The following GYS2 variants were observed in gnomAD, a reference collection of about 807,000 sequenced individuals.
The protein encoded by GYS2 is glycogen [starch] synthase, liver.
In GYS2, 80 loss-of-function variants were observed where a neutral mutation model predicts 85.6. That is an observed-to-expected ratio of 0.93 (90% confidence interval 0.78 to 1.13). The LOEUF (loss-of-function observed/expected upper bound fraction) is 1.13, where lower values mean the gene tolerates loss of function less well. Among genes scored for constraint, GYS2 ranks in the 50% most tolerant of loss-of-function variants. The probability of loss-of-function intolerance (pLI) is 0.00; values close to 1 mark genes in which losing one functional copy is unlikely to be tolerated. For synonymous variants in GYS2, 328 were observed against 300.7 expected (o/e 1.09, Z -0.94); for missense variants, 881 against 854.9 (o/e 1.03, Z -0.38).
intron 1 of GYS2, among the ~76,000 whole-genome samples, chr12:21,598,946 A>G (rs912368602): frequency 2.0e-5 from 3 of 152,080 alleles, no homozygotes; most frequent in African/African-American, 4.8e-5. Flanking sequence ...ACATATAACA[A>G]TGAGGTGGTT....
downstream of GYS2, among the ~76,000 whole-genome samples, chr12:21,535,996 T>A (rs900471580): frequency 2.9e-5 from 2 of 68,656 alleles, no homozygotes; most frequent in Non-Finnish European, 7.0e-5. Context: ...GATGTTCTAT[T>A]TTTTCTATTT....
chr12:21,592,679 C>A (rs1289254677), intron 1 of GYS2, among the ~76,000 whole-genome samples: 1 of 151,968 alleles, frequency 6.6e-6, no homozygotes, highest in Admixed American at 6.5e-5. Context: ...GAATCCAATA[C>A]AATAATAGTT....
intron 6 of GYS2, 49 bp downstream of exon 6, chr12:21,563,179 A>G: frequency 8.1e-7 from 1 of 1,227,808 alleles, no homozygotes; most frequent in Non-Finnish European, 1.2e-6. Flanking sequence ...TCTACCAAAG[A>G]TCACTCATAT....
chr12:21,536,701 C>G lies in GYS2; in HGVS notation c.*253G>C. On this transcript the variant is annotated 3_prime_UTR_variant, in exon 16 of 16. Coordinates refer to ENST00000261195, the MANE Select transcript of GYS2 (RefSeq NM_021957.4). ...AATTCACCATTTTAAAAACACTTTT[C>G]CGTCTTCTGCCTTTAATGAGTGCTC... 1 of 505,044 alleles carries G rather than the reference C, an allele frequency of 2.0e-6. No individual in the cohort carries two copies. The highest frequency in any genetic ancestry group is 3.6e-6 in the Non-Finnish European group (1 of 281,386). The allele number at this position is 505,044 out of a possible 1,614,324, so 31.3% of individuals were successfully genotyped here. A position where few individuals can be genotyped will look rare whatever the true frequency, so the allele number is the denominator to read the frequency against.
chr12:21,577,253 A>G (rs1944456943), intron 2 of GYS2, among the ~76,000 whole-genome samples: 1 of 152,200 alleles, frequency 6.6e-6, no homozygotes, highest in African/African-American at 2.4e-5. Flanking sequence ...TCATTGCTTC[A>G]TGTATTTATA....
In GYS2 at chr12:21,604,467, C is replaced by T. The variant is rs766327235; in HGVS notation, c.121+5G>A. On this transcript the variant is annotated splice_donor_5th_base_variant and intron_variant, in intron 1 of 15. Transcript: ENST00000261195. ...TACTGATCCACCTTCAGGAGCAGTA[C>T]AAACCTTTATTGGTCACTTCCCAAG... The T allele has an allele frequency of 1.3e-6, 2 of 1,587,160 alleles. No individual in the cohort carries two copies. The highest frequency in any genetic ancestry group is 2.2e-5 in the East Asian group (1 of 44,732).
At chr12:21,580,789 A>G (rs1944501233) in intron 1 of GYS2, among the ~76,000 whole-genome samples, 1 of 152,248 alleles carries the variant, frequency 6.6e-6, no homozygotes, top group South Asian at 2.1e-4. Context: ...AAAGAGGTCA[A>G]ATACCTCAAA....
intron 1 of GYS2, among the ~76,000 whole-genome samples, chr12:21,592,341 TAG>T (rs1944649531): frequency 6.6e-6 from 1 of 151,924 alleles, no homozygotes. Context: ...TTGAAAGATA[TAG>T]ACTGGCTAAA....
rs750131363 is a variant in GYS2 at position 21,568,916 on chromosome 12, C to G, written c.772G>C (p.Val258Leu). 3.1e-6 allele frequency: 5 copies of G among 1,613,494 alleles called. No homozygotes were observed. In the East Asian group the frequency reaches 1.1e-4, roughly 36 times the overall value. The change falls in exon 5 of 16, where the codon GTT becomes CTT. Residue 258 changes from valine (V) to leucine (L), a missense_variant. Transcript: ENST00000261195. ...GCTTCTATTGCTGTTATTTCAGAAA[C>G]CGTGGTGAACACGTGAGCGCAATGA... The part of the protein sequence containing the change: ...SVHCAHVFTT[V>L]SEITAIEAEH...
At chr12:21,604,161 A>G (rs1269584145) in intron 1 of GYS2, among the ~76,000 whole-genome samples, 1 of 152,142 alleles carries the variant, frequency 6.6e-6, no homozygotes, top group Non-Finnish European at 1.5e-5. Flanking sequence ...ATTTTAAAAC[A>G]AAAAATGTAA....
chr12:21,548,240 C>T (rs1312290027), intron 11 of GYS2, among the ~76,000 whole-genome samples: 1 of 152,016 alleles, frequency 6.6e-6, no homozygotes, highest in East Asian at 1.9e-4. Context: ...TCACAATGTA[C>T]AGGTTACAGA....
intron 11 of GYS2, among the ~76,000 whole-genome samples, chr12:21,550,314 A>AACACAC (rs10582787): frequency 0.018 from 2,661 of 148,290 alleles, 81 homozygotes; most frequent in African/African-American, 0.059. Context: ...AGACAGAAAG[A>AACACAC]ACACACACAC....
At chr12:21,547,465 G>T in intron 11 of GYS2, among the ~76,000 whole-genome samples, 1 of 152,244 alleles carries the variant, frequency 6.6e-6, no homozygotes, top group South Asian at 2.1e-4. Context: ...ATCAAGCCAT[G>T]AAAATAAATA....
At chr12:21,534,783 T>G (rs546090362), downstream of GYS2, among the ~76,000 whole-genome samples, 271 of 152,322 alleles carry the variant, frequency 1.8e-3, 1 homozygote, top group Non-Finnish European at 3.2e-3. Context: ...GGTCTTTCTC[T>G]CAGCTGATCA....
chr12:21,575,222 T>C (rs906322798), intron 3 of GYS2, among the ~76,000 whole-genome samples: 1 of 152,180 alleles, frequency 6.6e-6, no homozygotes, highest in African/African-American at 2.4e-5. Context: ...TAGAATCAAA[T>C]AGCAGCTTTG....
At chr12:21,552,477 C>T (rs940091386) in intron 11 of GYS2, among the ~76,000 whole-genome samples, 3 of 152,196 alleles carry the variant, frequency 2.0e-5, no homozygotes, top group African/African-American at 7.2e-5. Flanking sequence ...ATTAAATAGG[C>T]ACTTAAATCA....
At chr12:21,576,313 T>A in intron 2 of GYS2, among the ~76,000 whole-genome samples, 1 of 152,212 alleles carries the variant, frequency 6.6e-6, no homozygotes, top group East Asian at 1.9e-4. Context: ...TCATGTAATC[T>A]CTGTTCATCT....
intron 1 of GYS2, among the ~76,000 whole-genome samples, chr12:21,581,119 G>A (rs1320237973): frequency 3.3e-5 from 5 of 152,146 alleles, no homozygotes; most frequent in Non-Finnish European, 5.9e-5. Context: ...GTCCAACCCC[G>A]ATGTCAAATC....
intron 11 of GYS2, among the ~76,000 whole-genome samples, chr12:21,550,904 T>C (rs1305186345): frequency 1.3e-5 from 2 of 152,118 alleles, no homozygotes; most frequent in Non-Finnish European, 2.9e-5. Context: ...ATCGTGCCAC[T>C]GCACTCCAGC....
Sources: gnomAD v4.1 joint callset for allele counts (sites outside exome capture counted in the v4.1 genomes callset) on GRCh38, gnomAD v4.1.1 for gene constraint, MANE v1.5 for transcripts, NCBI Gene and HGNC (gene_info 2026-07-23, HGNC 2026-07-21) for gene names.